ABCB9: variants seen among roughly 807,000 people sequenced by gnomAD.
ABCB9 encodes the protein ATP binding cassette subfamily B member 9.
In ABCB9, 36 loss-of-function variants were observed where a neutral mutation model predicts 62.0. The observed-to-expected ratio is 0.58, with a 90% confidence interval of 0.45 to 0.77. ABCB9 has a LOEUF of 0.77. Among genes scored for constraint, ABCB9 ranks in the 30% least tolerant of loss-of-function variants. ABCB9 has a pLI of 0.00. For synonymous variants in ABCB9, 435 were observed against 461.4 expected, an observed-to-expected ratio of 0.94 and a Z score of 0.73; for missense variants, 943 against 1,054.7, an observed-to-expected ratio of 0.89 and a Z score of 1.47.
rs1566171862 is a variant in ABCB9, at chr12:122,944,389, AC to A, written c.1380+1del. ...GGATCCCCGGACACACTGGCCTCTC[AC>A]CTCCATACAATCTCCCAGGACAAAC... On this transcript the variant is annotated splice_donor_variant, in intron 7 of 11. Transcript: ENST00000280560. LOFTEE classifies it high-confidence loss of function. The surrounding 1 kb of genome is among the most constrained non-coding windows in gnomAD (Gnocchi z 4.9). 1.2e-6 allele frequency: 2 copies of A among 1,602,262 alleles called. No individual in the cohort carries two copies. The highest frequency in any genetic ancestry group is 3.4e-5 in the Admixed American group (2 of 58,922).
At chr12:122,919,132 G>C (rs1242887327), downstream of ABCB9, among the ~76,000 whole-genome samples, 1 of 152,066 alleles carries the variant, frequency 6.6e-6, no homozygotes, top group Non-Finnish European at 1.5e-5. Context: ...TTTGCAGTTT[G>C]TTTATCCATT....
intron 2 of ABCB9, among the ~76,000 whole-genome samples, chr12:122,954,428 G>A (rs970206471): frequency 3.9e-5 from 6 of 151,944 alleles, no homozygotes; most frequent in Admixed American, 1.3e-4. Context: ...GGCTGGTCTC[G>A]AACTCCTGAC....
downstream of ABCB9, chr12:122,924,685 C>G: frequency 6.6e-7 from 1 of 1,521,842 alleles, no homozygotes; most frequent in Non-Finnish European, 8.8e-7. Flanking sequence ...TAAGCCAGCC[C>G]TGGGGTGCCG....
Position 122,964,677 on chromosome 12 carries a change from C to A in ABCB9, c.-88+1610G>T, listed in dbSNP as rs1373004966. ...CCTGACTCAGAGGATGCGCTGGGCT[C>A]GGCCAGGTGGAGCTGGAGGGCAAAT... On this transcript the variant is annotated intron_variant, in intron 1 of 11. Coordinates refer to ENST00000280560, the MANE Select transcript of ABCB9 (RefSeq NM_019625.4). This position sits in a 1 kb window ranked among gnomAD's most constrained non-coding sequence, Gnocchi z 4.7. Among the ~76,000 whole-genome samples, 1 of 152,246 alleles carries A rather than the reference C, an allele frequency of 6.6e-6. No individual in the cohort carries two copies. The highest frequency in any genetic ancestry group is 1.9e-4 in the East Asian group (1 of 5,194).
Position 122,940,183 on chromosome 12 carries a change from G to A in ABCB9, c.1671C>T (p.Pro557=), listed in dbSNP as rs181063039. ...SCVNILENFY[P]LEGGRVLLDG... ...CCAGCAGCACCCGGCCCCCCTCCAG[G>A]GGGTAGAAGTTCTCCAGGATGTTGA... The change falls in exon 9 of 12, where the codon CCC becomes CCT. Residue 557 remains proline (P), a synonymous_variant. Transcript: ENST00000280560. This position sits in a 1 kb window ranked among gnomAD's most constrained non-coding sequence, Gnocchi z 4.8. 4 of 1,613,836 alleles carry A rather than the reference G, an allele frequency of 2.5e-6. No individual in the cohort carries two copies. The highest frequency in any genetic ancestry group is 3.4e-6 in the Non-Finnish European group (4 of 1,179,908).
Position 122,959,794 on chromosome 12 carries a change from C to T in ABCB9, c.442G>A (p.Glu148Lys). 6.2e-7 allele frequency: 1 copy of T among 1,612,146 alleles called. No homozygotes were observed. The highest frequency in any genetic ancestry group is 8.5e-7 in the Non-Finnish European group (1 of 1,179,388). ...TCAGCCTCGGTGGCCGCCCCTGGCT[C>T]CAGGGCCTGGGTGCCTGGCCGCACG... is the stretch of plus-strand genomic sequence containing the variant. ...STVRPGTQALEPGAATEAEGF... is the reference protein window; with the variant it reads ...STVRPGTQALKPGAATEAEGF... Residue 148 changes from glutamate to lysine, a missense_variant, in exon 2 of 12, where the codon GAG (glutamate) becomes AAG (lysine). Physicochemically the swap from Glu to Lys is moderately conservative, Grantham distance 56. Coordinates refer to ENST00000280560, the MANE Select transcript of ABCB9 (RefSeq NM_019625.4). This position sits in a 1 kb window ranked among gnomAD's most constrained non-coding sequence, Gnocchi z 5.4.
At chr12:122,960,748 G>A (rs1455837689) in intron 1 of ABCB9, among the ~76,000 whole-genome samples, 3 of 147,502 alleles carry the variant, frequency 2.0e-5, no homozygotes, top group East Asian at 2.0e-4. Context: ...GTGACAGAGC[G>A]AGACTCCATC....
In ABCB9 at chr12:122,959,596, A is replaced by G; in HGVS notation, c.601+39T>C. On this transcript the variant is annotated intron_variant, in intron 2 of 11. Transcript: ENST00000280560. The surrounding 1 kb of genome is among the most constrained non-coding windows in gnomAD (Gnocchi z 5.4). The stretch of plus-strand genomic sequence containing the variant: ...AAGGCAGTCATATCCACCTAATTTG[A>G]TGTTCTGGTGGCCACATGTCCCCGA... The G allele has an allele frequency of 6.6e-7, 1 of 1,513,634 alleles. No homozygotes were observed. Among genetic ancestry groups the G allele is most frequent in the South Asian group, 1.3e-5 (1 of 75,312 alleles). The allele number at this position is 1,513,634 out of a possible 1,614,324, so 93.8% of individuals were successfully genotyped here. A position where few individuals can be genotyped will look rare whatever the true frequency, so the allele number is the denominator to read the frequency against.
intron 5 of ABCB9, 69 bp from the exon 6 acceptor site, chr12:122,946,291 G>T: frequency 6.4e-7 from 1 of 1,551,324 alleles, no homozygotes; most frequent in Non-Finnish European, 8.8e-7. Context: ...GAGCCCCCAG[G>T]CCTCTCTGGG....
At chr12:122,925,077 C>T (rs1429439629), downstream of ABCB9, among the ~76,000 whole-genome samples, 1 of 152,048 alleles carries the variant, frequency 6.6e-6, no homozygotes, top group East Asian at 1.9e-4. Context: ...CCACCATGCC[C>T]GGCTAGCAGT....
Position 122,929,887 on chromosome 12 carries a change from A to T in ABCB9, c.*24T>A. 1 of 1,513,374 alleles carries T rather than the reference A, an allele frequency of 6.6e-7. No individual in the cohort carries two copies. The allele number at this position is 1,513,374 out of a possible 1,614,324, so 93.7% of individuals were successfully genotyped here. On this transcript the variant is annotated 3_prime_UTR_variant, in exon 12 of 12. Transcript: ENST00000280560. The surrounding 1 kb of genome is among the most constrained non-coding windows in gnomAD (Gnocchi z 6.0). ...AGGCAGGCACCGGGTCCTCTGCCCC[A>T]CCGGGAGAAGCAGGGGCCCCCCATC...
Position 122,944,757 on chromosome 12 carries a change from G to GC in ABCB9, c.1252-239dup. 1 of 474,452 alleles carries GC rather than the reference G, an allele frequency of 2.1e-6. No individual in the cohort carries two copies. The highest frequency in any genetic ancestry group is 3.8e-5 in the East Asian group (1 of 26,232). 29.4% of individuals were successfully genotyped at this position (474,452 alleles called of 1,614,324 possible). ...GCTGTGGGCTTGGCCACAGAACAAG[G>GC]CTTTCTTTGTGAGGTCCTGGCACAC... On this transcript the variant is annotated intron_variant, in intron 6 of 11. Coordinates refer to ENST00000280560, the MANE Select transcript of ABCB9 (RefSeq NM_019625.4). The surrounding 1 kb of genome is among the most constrained non-coding windows in gnomAD (Gnocchi z 4.9).
In ABCB9 at chr12:122,944,151, AC is replaced by A. The variant is rs913932390; in HGVS notation, c.1380+239del. Among the ~76,000 whole-genome samples the A allele has an allele frequency of 4.0e-5, 6 of 151,662 alleles. No individual in the cohort carries two copies. The highest frequency in any genetic ancestry group is 8.8e-5 in the Non-Finnish European group (6 of 67,914). On this transcript the variant is annotated intron_variant, in intron 7 of 11. Coordinates refer to ENST00000280560, the MANE Select transcript of ABCB9 (RefSeq NM_019625.4). This position sits in a 1 kb window ranked among gnomAD's most constrained non-coding sequence, Gnocchi z 4.9. ...ACCATGTTGGCCAGGCTGGTCTCGA[AC>A]TCCTGACCTCAAGTGATCCACCCGC...
At position 122,959,887 on chromosome 12, in the gene ABCB9, A is replaced by G; in HGVS notation, c.349T>C (p.Trp117Arg). Residue 117 changes from tryptophan to arginine, a missense_variant, in exon 2 of 12, where the codon TGG becomes CGG. Trp to Arg is a moderately radical substitution (Grantham distance 101). Transcript: ENST00000280560. This position sits in a 1 kb window ranked among gnomAD's most constrained non-coding sequence, Gnocchi z 5.4. ...ATGTACGTCCACACGAACAGGGCCC[A>G]AAACCAGGGGTCCCGGATGGGCCTG... is the stretch of plus-strand genomic sequence containing the variant. ...VRRPIRDPWF[W>R]ALFVWTYISL... is the part of the protein sequence containing the mutation. 1 of 1,613,572 alleles carries G rather than the reference A, an allele frequency of 6.2e-7. No homozygotes were observed. Among genetic ancestry groups the G allele is most frequent in the Non-Finnish European group, 8.5e-7 (1 of 1,179,902 alleles).
chr12:122,927,264 C>T (rs1328867192), downstream of ABCB9, among the ~76,000 whole-genome samples: 1 of 152,094 alleles, frequency 6.6e-6, no homozygotes, highest in Non-Finnish European at 1.5e-5. Flanking sequence ...CTCTGCCTCC[C>T]GGATTCAAGC....
chr12:122,920,944 C>T (rs1157344351), downstream of ABCB9: 14 of 1,392,128 alleles, frequency 1.0e-5, no homozygotes, highest in South Asian at 1.2e-5. Context: ...CGCATAGACT[C>T]GTGTTTGCTG....
chr12:122,945,786 G>A (rs1028850926), intron 6 of ABCB9, among the ~76,000 whole-genome samples: 4 of 151,192 alleles, frequency 2.6e-5, no homozygotes, highest in East Asian at 1.9e-4. Flanking sequence ...GCTGAGGCAG[G>A]AGAATCGCTT....
chr12:122,945,193 A>G (rs1209673119), intron 6 of ABCB9, among the ~76,000 whole-genome samples: 3 of 152,018 alleles, frequency 2.0e-5, no homozygotes, highest in Non-Finnish European at 4.4e-5. Context: ...CTTGGCTGAT[A>G]CTTTTGGGAG....
intron 5 of ABCB9, chr12:122,948,351 A>C: frequency 3.1e-6 from 1 of 324,220 alleles, no homozygotes; most frequent in Non-Finnish European, 5.7e-6. Flanking sequence ...CTCATTCTTT[A>C]TGCTGTTGGT....
Sources: allele counts gnomAD v4.1 joint callset (sites outside exome capture counted in the v4.1 genomes callset), GRCh38; gene constraint gnomAD v4.1.1; non-coding constraint Gnocchi (gnomAD v3.1); transcripts MANE v1.5; gene names NCBI Gene and HGNC (gene_info 2026-07-23, HGNC 2026-07-21).